Variants in PUDP observed in about 807,000 individuals in gnomAD.
PUDP encodes the protein pseudouridine-5'-phosphatase.
A neutral mutation model predicts 9.4 loss-of-function variants in PUDP; 8 were observed. That is an observed-to-expected ratio of 0.85 (90% CI 0.50 to 1.53). PUDP has a LOEUF of 1.53. PUDP is among the 40% of genes most tolerant of loss of function. The probability of loss-of-function intolerance (pLI) is 0.00; values close to 1 mark genes in which losing one functional copy is unlikely to be tolerated. For missense variants in PUDP, 188 were observed against 189.7 expected (o/e 0.99, Z 0.05); for synonymous variants, 99 against 80.7 (o/e 1.23, Z -1.22).
intron 3 of PUDP, among the ~76,000 whole-genome samples, chrX:6,901,117 ACTTGAC>A (rs1927679346): frequency 9.0e-6 from 1 of 111,599 alleles, no homozygotes; most frequent in Admixed American, 9.5e-5. Context: ...CTAATACAGG[ACTTGAC>A]CCAAAATGAA....
intron 1 of PUDP, among the ~76,000 whole-genome samples, chrX:7,017,084 G>A (rs761946725): frequency 1.8e-5 from 2 of 111,775 alleles, no homozygotes; most frequent in African/African-American, 3.3e-5. Flanking sequence ...CCCACTGCCC[G>A]AAACCCTCCA....
chrX:6,866,301 T>C (rs1407267463), intron 3 of PUDP, among the ~76,000 whole-genome samples: 1 of 109,077 alleles, frequency 9.2e-6, no homozygotes, highest in Admixed American at 1.0e-4. Flanking sequence ...GAATGCAAGA[T>C]AGTATACGGT....
At chrX:6,755,259 G>C (rs1273882439) in intron 3 of PUDP, among the ~76,000 whole-genome samples, 1 of 111,687 alleles carries the variant, frequency 9.0e-6, no homozygotes, top group Non-Finnish European at 1.9e-5. Flanking sequence ...GGGCTCATAA[G>C]AACCTAGCCA....
intron 3 of PUDP, among the ~76,000 whole-genome samples, chrX:7,063,622 T>G (rs1930467804): frequency 9.0e-6 from 1 of 111,415 alleles, no homozygotes; most frequent in Non-Finnish European, 1.9e-5. Context: ...ATAATTATGT[T>G]TTTTAAATAC....
rs530772825 is a variant in PUDP, at chrX:6,834,751, T to A, written c.*248-128285A>T. 3.3e-4 allele frequency among the ~76,000 whole-genome samples: 37 copies of A among 111,385 alleles called. No homozygotes were observed. The South Asian group carries it at 0.013, about 39-fold the overall frequency. On this transcript the variant is annotated intron_variant and NMD_transcript_variant, in intron 3 of 3. Coordinates refer to the PUDP transcript ENST00000655425. ...GAAGTCCAAAATCAATGAGCTAGCA[T>A]CTGCCGAGGGCCTTCTTGTTACATC...
chrX:6,961,013 A>C (rs1928699834), intron 3 of PUDP, among the ~76,000 whole-genome samples: 1 of 111,797 alleles, frequency 8.9e-6, no homozygotes, highest in African/African-American at 3.3e-5. Flanking sequence ...ACACATACAA[A>C]ACTCATTTTA....
chrX:7,066,073 G>T (rs1024326183), intron 3 of PUDP, among the ~76,000 whole-genome samples: 1 of 112,056 alleles, frequency 8.9e-6, no homozygotes, highest in Non-Finnish European at 1.9e-5. Context: ...CAGGACCAAC[G>T]AACTTGATGC....
At chrX:6,783,229 G>A (rs1210460242) in intron 3 of PUDP, among the ~76,000 whole-genome samples, 1 of 112,016 alleles carries the variant, frequency 8.9e-6, no homozygotes, top group Admixed American at 9.5e-5. Flanking sequence ...TAGTAATAAA[G>A]AAAATTAATC....
At chrX:6,751,395 A>G (rs751082773) in intron 3 of PUDP, among the ~76,000 whole-genome samples, 50 of 111,509 alleles carry the variant, frequency 4.5e-4, no homozygotes, top group Non-Finnish European at 8.8e-4. Flanking sequence ...TCAATAAAGA[A>G]ATCACAGTAG....
chrX:6,719,624 A>C (rs1004894561), intron 1 of PUDP, among the ~76,000 whole-genome samples: 2 of 112,023 alleles, frequency 1.8e-5, no homozygotes, highest in East Asian at 2.8e-4. Context: ...GCCCCAGAGG[A>C]GGTTACAAAA....
At chrX:6,759,157 T>C (rs1925201968) in intron 3 of PUDP, among the ~76,000 whole-genome samples, 1 of 112,488 alleles carries the variant, frequency 8.9e-6, no homozygotes, top group African/African-American at 3.2e-5. Context: ...TGTCATTTCA[T>C]GGGAGCCCAA....
At chrX:7,129,068 G>T (rs537988552) in intron 1 of PUDP, among the ~76,000 whole-genome samples, 8 of 111,900 alleles carry the variant, frequency 7.1e-5, no homozygotes, top group South Asian at 3.8e-4. Flanking sequence ...CATGGGGGAG[G>T]AAAGGACCGA....
intron 3 of PUDP, among the ~76,000 whole-genome samples, chrX:6,839,478 C>G (rs1479024369): frequency 1.8e-5 from 2 of 111,868 alleles, no homozygotes; most frequent in African/African-American, 6.5e-5. Flanking sequence ...AGCACCACCA[C>G]TCCCCCGACC....
intron 1 of PUDP, among the ~76,000 whole-genome samples, chrX:7,121,262 T>A (rs941950929): frequency 1.9e-4 from 21 of 111,989 alleles, no homozygotes; most frequent in African/African-American, 6.5e-4. Flanking sequence ...ACCCCTGGAA[T>A]CCAATGTGAG....
At chrX:7,037,240 C>T (rs1180281776) in intron 1 of PUDP, among the ~76,000 whole-genome samples, 1 of 111,495 alleles carries the variant, frequency 9.0e-6, no homozygotes, top group Non-Finnish European at 1.9e-5. Flanking sequence ...TTATCTGGTC[C>T]AGCATAGCAG....
At chrX:6,726,721 TAAG>T (rs1310967927) in intron 3 of PUDP, among the ~76,000 whole-genome samples, 11 of 111,598 alleles carry the variant, frequency 9.9e-5, no homozygotes, top group Non-Finnish European at 1.7e-4. Context: ...TTTTAATGTG[TAAG>T]GACACTGAAA....
intron 3 of PUDP, among the ~76,000 whole-genome samples, chrX:6,857,741 G>A (rs1027122648): frequency 8.9e-6 from 1 of 111,904 alleles, no homozygotes; most frequent in Non-Finnish European, 1.9e-5. Flanking sequence ...CCAGCAAATG[G>A]TGGGGATTTA....
chrX:7,024,442 T>A (rs1316995935), intron 1 of PUDP, among the ~76,000 whole-genome samples: 1 of 111,700 alleles, frequency 9.0e-6, no homozygotes, highest in Non-Finnish European at 1.9e-5. Flanking sequence ...ACTAAGATGA[T>A]CACATTGTTT....
intron 1 of PUDP, among the ~76,000 whole-genome samples, chrX:7,029,639 T>C (rs1004146656): frequency 3.6e-5 from 4 of 111,740 alleles, no homozygotes; most frequent in African/African-American, 1.3e-4. Flanking sequence ...GGGATTACAG[T>C]GGTGGGGAGA....
Sources: gnomAD v4.1 joint callset for allele counts (sites outside exome capture counted in the v4.1 genomes callset) on GRCh38, gnomAD v4.1.1 for gene constraint, MANE v1.5 for transcripts, NCBI Gene and HGNC (gene_info 2026-07-23, HGNC 2026-07-21) for gene names.